Variants in TIMM44 observed in about 807,000 individuals in gnomAD.
The protein encoded by TIMM44 is translocase of inner mitochondrial membrane 44.
Under a neutral mutation model 63.8 loss-of-function variants are expected in TIMM44, and 37 were observed. The ratio of observed to expected loss-of-function variants is 0.58; its 90% confidence interval spans 0.45 to 0.76. The LOEUF (loss-of-function observed/expected upper bound fraction) is 0.76, where lower values mean the gene tolerates loss of function less well. Ranked by LOEUF, TIMM44 falls within the 30% of genes least tolerant of loss-of-function variation. TIMM44 has a pLI of 0.00. For missense variants in TIMM44, 573 were observed against 603.8 expected (o/e 0.95, Z 0.54); for synonymous variants, 239 against 245.1 (o/e 0.98, Z 0.23).
At position 7,933,395 on chromosome 19, in the gene TIMM44, G is replaced by C. The variant is rs1984043364; in HGVS notation, c.769+90C>G. 1 of 1,158,118 alleles carries C rather than the reference G, an allele frequency of 8.6e-7. No individual in the cohort carries two copies. The highest frequency in any genetic ancestry group is 1.5e-5 in the African/African-American group (1 of 65,970). 71.7% of individuals were successfully genotyped at this position (1,158,118 alleles called of 1,614,324 possible). A position where few individuals can be genotyped will look rare whatever the true frequency, so the allele number is the denominator to read the frequency against. On this transcript the variant is annotated intron_variant, in intron 7 of 12. Coordinates refer to ENST00000270538, the MANE Select transcript of TIMM44 (RefSeq NM_006351.4). This position sits in a 1 kb window ranked among gnomAD's most constrained non-coding sequence, Gnocchi z 4.3. ...CCGATCTCCTCCTCTGCAAAACGGG[G>C]CTGTCTTGTGCCCAATGCAGGGGGA...
intron 11 of TIMM44, 54 bp from the exon 12 acceptor site, chr19:7,927,821 C>T: frequency 6.4e-6 from 10 of 1,564,106 alleles, no homozygotes; most frequent in Non-Finnish European, 8.7e-6. Context: ...CGGCTGCTCC[C>T]CTGGAGGTGA....
Position 7,927,721 on chromosome 19 carries a change from G to C in TIMM44, c.1175C>G (p.Thr392Ser). The change falls in exon 12 of 13, where the codon ACC (threonine) becomes AGC (serine). Residue 392 changes from threonine (T) to serine (S), a missense_variant. Thr to Ser is a moderately conservative substitution (Grantham distance 58). Coordinates refer to ENST00000270538, the MANE Select transcript of TIMM44 (RefSeq NM_006351.4). ...MMEQGPVLII[T>S]FQAQLVMVVR... ...CACCATCACCAGCTGTGCCTGGAAG[G>C]TGATGATCAGCACCGGCCCCTGCTC... The C allele has an allele frequency of 6.2e-7, 1 of 1,613,222 alleles. No individual in the cohort carries two copies. Among genetic ancestry groups the C allele is most frequent in the Non-Finnish European group, 8.5e-7 (1 of 1,180,016 alleles).
At chr19:7,931,001 G>C (rs1423919344) in intron 10 of TIMM44, 137 bp downstream of exon 10, 4 of 727,936 alleles carry the variant, frequency 5.5e-6, no homozygotes, top group Admixed American at 4.8e-5. Context: ...CGGAGGGTGA[G>C]ACGTGAGGAT....
intron 3 of TIMM44, among the ~76,000 whole-genome samples, chr19:7,937,622 A>AG (rs1663991726): frequency 1.3e-5 from 2 of 152,150 alleles, no homozygotes; most frequent in South Asian, 2.1e-4. Context: ...TCACTTCCTC[A>AG]CGAGCCACCC....
intron 2 of TIMM44, among the ~76,000 whole-genome samples, chr19:7,939,254 C>G (rs1312561642): frequency 6.6e-6 from 1 of 152,134 alleles, no homozygotes; most frequent in African/African-American, 2.4e-5. Context: ...GGCATGGCAA[C>G]TCTTTGGACA....
rs3745387 is a variant in TIMM44 at position 7,935,219 on chromosome 19, A to G, written c.313-74T>C. On this transcript the variant is annotated intron_variant, in intron 3 of 12. Coordinates refer to ENST00000270538, the MANE Select transcript of TIMM44 (RefSeq NM_006351.4). ...ATGTCTCCGTTGCCGAGGCTGGAGT[A>G]CAGTGGCACGCTCTCGGCTCACTGC... 0.5 allele frequency: 659,692 copies of G among 1,313,878 alleles called. 168,537 individuals carry two copies. Among genetic ancestry groups the G allele is most frequent in the Non-Finnish European group, 0.52 (495,855 of 947,400 alleles). The allele number at this position is 1,313,878 out of a possible 1,614,324, so 81.4% of individuals were successfully genotyped here. A position where few individuals can be genotyped will look rare whatever the true frequency, so the allele number is the denominator to read the frequency against.
intron 7 of TIMM44, 49 bp from the exon 8 acceptor site, chr19:7,932,981 C>G: frequency 6.7e-7 from 1 of 1,484,622 alleles, no homozygotes; most frequent in Non-Finnish European, 9.4e-7. Context: ...TCCAGAAACA[C>G]AACCCTCCCT....
At chr19:7,927,960 A>G in intron 11 of TIMM44, 117 bp downstream of exon 11, 6 of 1,194,454 alleles carry the variant, frequency 5.0e-6, no homozygotes, top group South Asian at 2.6e-5. Context: ...GACAAGCCCA[A>G]GACCTCTTGG....
chr19:7,938,100 C>A lies in TIMM44; in HGVS notation c.239G>T (p.Ser80Ile). The A allele has an allele frequency of 1.2e-6, 2 of 1,614,068 alleles. No homozygotes were observed. The highest frequency in any genetic ancestry group is 1.7e-6 in the Non-Finnish European group (2 of 1,180,020). The part of the protein sequence containing the change: ...ELAKNKEMKE[S>I]IKKFRDEARR... ...GGCCTCGTCACGGAATTTTTTTATACTTTCTTTCATTTCTTTGTTTTTGGC... is the reference window on the plus strand; with the variant it reads ...GGCCTCGTCACGGAATTTTTTTATAATTTCTTTCATTTCTTTGTTTTTGGC... Residue 80 changes from serine (S) to isoleucine (I), a missense_variant, in exon 3 of 13, where the codon AGT becomes ATT. Transcript: ENST00000270538.
chr19:7,931,067 GA>G, intron 10 of TIMM44, 70 bp downstream of exon 10: 2 of 1,485,362 alleles, frequency 1.3e-6, no homozygotes, highest in Non-Finnish European at 1.9e-6. Context: ...CGGAGCCACC[GA>G]AGTGGAACTT....
In TIMM44 at chr19:7,934,381, G is replaced by A. The variant is rs1054976719; in HGVS notation, c.394-143C>T. On this transcript the variant is annotated intron_variant, in intron 4 of 12. Coordinates refer to ENST00000270538, the MANE Select transcript of TIMM44 (RefSeq NM_006351.4). This position sits in a 1 kb window ranked among gnomAD's most constrained non-coding sequence, Gnocchi z 5.3. Reference sequence around the variant, plus strand: ...GAGGCCTTCTGTGCTCCTGTGGTACGCGGCACCCCCAGAGCCATGAGCACA... The same window carrying A: ...GAGGCCTTCTGTGCTCCTGTGGTACACGGCACCCCCAGAGCCATGAGCACA... The A allele has an allele frequency of 6.3e-5, 70 of 1,103,088 alleles. No homozygotes were observed. The African/African-American group carries it at 7.9e-4, about 12-fold the overall frequency. The allele number at this position is 1,103,088 out of a possible 1,614,324, so 68.3% of individuals were successfully genotyped here. A position where few individuals can be genotyped will look rare whatever the true frequency, so the allele number is the denominator to read the frequency against.
chr19:7,928,261 C>G (rs988014332), intron 10 of TIMM44, 95 bp from the exon 11 acceptor site: 1 of 1,102,498 alleles, frequency 9.1e-7, no homozygotes, highest in Admixed American at 2.1e-5. Context: ...GCCCAGGTGC[C>G]CTGCCGCCAG....
At chr19:7,942,641 C>CAAA (rs1437469175) in intron 1 of TIMM44, among the ~76,000 whole-genome samples, 12 of 151,334 alleles carry the variant, frequency 7.9e-5, no homozygotes, top group African/African-American at 2.7e-4. Context: ...CCTACTATCT[C>CAAA]CTGTATTTAC....
At chr19:7,935,389 T>G in intron 3 of TIMM44, 1 of 495,276 alleles carries the variant, frequency 2.0e-6, no homozygotes, top group Non-Finnish European at 3.7e-6. Flanking sequence ...GGTCTCAAAC[T>G]TCTGACCTCA....
In TIMM44 at chr19:7,927,030, G is replaced by A; in HGVS notation, c.*157C>T. The stretch of plus-strand genomic sequence containing the variant: ...TGCCGCGCACCCGCAACAGCCCGTT[G>A]TCCCCTCCCGGGCCAGCTGGTCTTG... On this transcript the variant is annotated 3_prime_UTR_variant, in exon 13 of 13. Transcript: ENST00000270538. 3 of 1,101,006 alleles carry A rather than the reference G, an allele frequency of 2.7e-6. No homozygotes were observed. Among genetic ancestry groups the A allele is most frequent in the Non-Finnish European group, 3.9e-6 (3 of 765,094 alleles). The allele number at this position is 1,101,006 out of a possible 1,614,324, so 68.2% of individuals were successfully genotyped here.
At position 7,927,246 on chromosome 19, in the gene TIMM44, G is replaced by A; in HGVS notation, c.1300C>T (p.Pro434Ser). 6.2e-7 allele frequency: 1 copy of A among 1,612,566 alleles called. No individual in the cohort carries two copies. The highest frequency in any genetic ancestry group is 1.1e-5 in the South Asian group (1 of 91,060). Residue 434 changes from proline (P) to serine (S), a missense_variant, in exon 13 of 13, where the codon CCC (proline) becomes TCC (serine). Transcript: ENST00000270538. The stretch of plus-strand genomic sequence containing the variant: ...TCCAGGAGCCGCCAGGCCGCGTAGG[G>A]GTTGAGCTCGTCCTGGTCTCGGCAG... ...ALCRDQDELNPYAAWRLLDIS... is the reference protein window; with the variant it reads ...ALCRDQDELNSYAAWRLLDIS...
chr19:7,932,930 A>G lies in TIMM44; in HGVS notation c.772T>C (p.Phe258Leu), dbSNP rs1984029952. 1.1e-5 allele frequency: 18 copies of G among 1,613,898 alleles called. No individual in the cohort carries two copies. Among genetic ancestry groups the G allele is most frequent in the South Asian group, 3.3e-5 (3 of 91,078 alleles). The change falls in exon 8 of 13, where the codon TTC (phenylalanine) becomes CTC (leucine). Residue 258 changes from phenylalanine (F) to leucine (L), a missense_variant and splice_region_variant. Phe to Leu is a conservative substitution (Grantham distance 22, BLOSUM62 0). Transcript: ENST00000270538. ...FKENNVVFNR[F>L]FEMKMKYDES... ...TCATACTTCATCTTCATCTCGAAGA[A>G]CCCTGTGGAAGATGGGGTAGGTGCT...
rs1281368811 is a variant in TIMM44 at position 7,934,347 on chromosome 19, AGGCCGGCAGAG to A, written c.394-120_394-110del. ...AGAGAAGGGCGGATCTGGTTCCCCG[AGGCCGGCAGAG>A]GCCTTCTGTGCTCCTGTGGTACGCG... On this transcript the variant is annotated intron_variant, in intron 4 of 12. Coordinates refer to ENST00000270538, the MANE Select transcript of TIMM44 (RefSeq NM_006351.4). The surrounding 1 kb of genome is among the most constrained non-coding windows in gnomAD (Gnocchi z 5.3). 2 of 1,396,196 alleles carry A rather than the reference AGGCCGGCAGAG, an allele frequency of 1.4e-6. No individual in the cohort carries two copies. The highest frequency in any genetic ancestry group is 2.0e-6 in the Non-Finnish European group (2 of 1,001,124). The allele number at this position is 1,396,196 out of a possible 1,614,324, so 86.5% of individuals were successfully genotyped here. A position where few individuals can be genotyped will look rare whatever the true frequency, so the allele number is the denominator to read the frequency against.
In TIMM44 at chr19:7,933,099, G is replaced by A. The variant is rs1009803626; in HGVS notation, c.770-167C>T. 1.8e-4 allele frequency among the ~76,000 whole-genome samples: 27 copies of A among 152,118 alleles called. No individual in the cohort carries two copies. Among genetic ancestry groups the A allele is most frequent in the African/African-American group, 5.8e-4 (24 of 41,426 alleles). On this transcript the variant is annotated intron_variant, in intron 7 of 12. Coordinates refer to ENST00000270538, the MANE Select transcript of TIMM44 (RefSeq NM_006351.4). This position sits in a 1 kb window ranked among gnomAD's most constrained non-coding sequence, Gnocchi z 4.3. ...GCATCCTCATCTGTGCTTGGGGACCGCTGCCTGCCCACCTACCTGGCCAGG... is the reference window on the plus strand; with the variant it reads ...GCATCCTCATCTGTGCTTGGGGACCACTGCCTGCCCACCTACCTGGCCAGG...
Sources: gnomAD v4.1 joint callset for allele counts (sites outside exome capture counted in the v4.1 genomes callset) on GRCh38, gnomAD v4.1.1 for gene constraint, Gnocchi (gnomAD v3.1) non-coding constraint, MANE v1.5 for transcripts, NCBI Gene and HGNC (gene_info 2026-07-23, HGNC 2026-07-21) for gene names.